The following TPO variants were observed in gnomAD, a reference collection of about 807,000 sequenced individuals.
The protein encoded by TPO is thyroid microsomal antigen.
TPO carries 78 observed loss-of-function variants against 96.9 expected under a neutral mutation model. The ratio of observed to expected loss-of-function variants is 0.81; its 90% confidence interval spans 0.67 to 0.97. TPO has a LOEUF of 0.97. Ranked by LOEUF, TPO falls within the 50% of genes least tolerant of loss-of-function variation. TPO has a pLI of 0.00. For synonymous variants in TPO, 547 were observed against 538.0 expected (o/e 1.02, Z -0.23); for missense variants, 1,252 against 1,274.8 (o/e 0.98, Z 0.27).
At chr2:1,383,820 T>C (rs1371024058) in intron 1 of TPO, among the ~76,000 whole-genome samples, 2 of 152,246 alleles carry the variant, frequency 1.3e-5, no homozygotes, top group African/African-American at 4.8e-5. Context: ...TGAATGGTAT[T>C]GCCTAGGTTT....
chr2:1,445,810 T>C lies in TPO; in HGVS notation c.483-7884T>C, dbSNP rs34046827. On this transcript the variant is annotated intron_variant, in intron 5 of 16. Transcript: ENST00000329066. ...ATGAACCACTCATTGCTGCAGGAGGTACCATGTTGGAAGGGAATGGGGCAG... is the reference window on the plus strand; with the variant it reads ...ATGAACCACTCATTGCTGCAGGAGGCACCATGTTGGAAGGGAATGGGGCAG... Among the ~76,000 whole-genome samples, 106 of 17,862 alleles carry C rather than the reference T, an allele frequency of 5.9e-3. 9 individuals carry two copies. The highest frequency in any genetic ancestry group is 0.014 in the South Asian group (6 of 440). 11.7% of individuals were successfully genotyped at this position (17,862 alleles called of 152,430 possible).
intron 2 of TPO, among the ~76,000 whole-genome samples, chr2:1,422,388 C>CTCTCCTGGACAGACCTA (rs1573110964): frequency 6.6e-6 from 1 of 152,030 alleles, no homozygotes; most frequent in African/African-American, 2.4e-5. Flanking sequence ...GTGCAGGCGC[C>CTCTCCTGGACAGACCTA]GCGCTGGGCC....
At chr2:1,489,650 CTGAATGAATGAATGAA>C (rs59667255) in intron 10 of TPO, among the ~76,000 whole-genome samples, 1 of 150,288 alleles carries the variant, frequency 6.7e-6, no homozygotes, top group Non-Finnish European at 1.5e-5. Context: ...GGAACCCTCA[CTGAATGAATGAATGAA>C]TGAATGAATG....
intron 13 of TPO, among the ~76,000 whole-genome samples, chr2:1,497,434 C>T (rs1361564111): frequency 5.3e-5 from 8 of 152,160 alleles, no homozygotes; most frequent in East Asian, 3.9e-4. Context: ...GGTTCCTCTG[C>T]GGGGAACAGC....
intron 5 of TPO, among the ~76,000 whole-genome samples, chr2:1,452,569 G>A (rs924558552): frequency 1.3e-5 from 2 of 152,180 alleles, no homozygotes; most frequent in Non-Finnish European, 2.9e-5. Flanking sequence ...ACCTGCTCCT[G>A]TGACTATGTC....
chr2:1,459,980 G>C (rs1484568743), intron 7 of TPO, among the ~76,000 whole-genome samples: 1 of 150,862 alleles, frequency 6.6e-6, no homozygotes, highest in African/African-American at 2.4e-5. Flanking sequence ...GTCTTGCCCA[G>C]GCTGGAGTGT....
intron 14 of TPO, among the ~76,000 whole-genome samples, chr2:1,515,648 C>G (rs1387045109): frequency 6.6e-6 from 1 of 152,182 alleles, no homozygotes; most frequent in African/African-American, 2.4e-5. Flanking sequence ...TGGACACGAC[C>G]TGTGTCCGGG....
intron 13 of TPO, among the ~76,000 whole-genome samples, chr2:1,501,389 G>A (rs1243140501): frequency 1.3e-5 from 2 of 152,200 alleles, no homozygotes; most frequent in East Asian, 1.9e-4. Context: ...TCTGTCGGGA[G>A]CGCTGCTCTT....
At chr2:1,507,345 T>G (rs1421189751) in intron 14 of TPO, among the ~76,000 whole-genome samples, 1 of 152,198 alleles carries the variant, frequency 6.6e-6, no homozygotes, top group East Asian at 1.9e-4. Context: ...TCTTTTGGCT[T>G]AGGATTGACT....
At chr2:1,531,052 A>AC (rs1678043866) in intron 15 of TPO, among the ~76,000 whole-genome samples, 2 of 5,910 alleles carry the variant, frequency 3.4e-4, no homozygotes, top group African/African-American at 7.8e-4. Flanking sequence ...CCCCCCAAAT[A>AC]CCCCCACTAT....
At chr2:1,486,478 G>A (rs1264379597) in intron 9 of TPO, among the ~76,000 whole-genome samples, 1 of 151,266 alleles carries the variant, frequency 6.6e-6, no homozygotes, top group Non-Finnish European at 1.5e-5. Flanking sequence ...AGAGGGTGCA[G>A]GTGAGCCGAG....
intron 15 of TPO, among the ~76,000 whole-genome samples, chr2:1,525,317 T>TTCA (rs111479509): frequency 9.7e-6 from 1 of 103,156 alleles, no homozygotes; most frequent in Non-Finnish European, 1.9e-5. Context: ...CCCCACTGTG[T>TTCA]GCCTCCTCAA....
chr2:1,528,630 CCCCCCACTGTGTGCAACCTCACCACAT>C (rs1677195434), intron 15 of TPO, among the ~76,000 whole-genome samples: 10 of 142,538 alleles, frequency 7.0e-5, no homozygotes, highest in East Asian at 2.4e-4. Context: ...TCCCCAAATC[CCCCCCACTGTGTGCAACCTCACCACAT>C]CCACCACTGT....
intron 14 of TPO, among the ~76,000 whole-genome samples, chr2:1,514,756 G>T (rs1022657969): frequency 6.6e-6 from 1 of 152,198 alleles, no homozygotes; most frequent in South Asian, 2.1e-4. Flanking sequence ...TCTTGAAATT[G>T]AAAATGCCAA....
intron 15 of TPO, among the ~76,000 whole-genome samples, chr2:1,517,947 C>G (rs28913018): frequency 2.2e-4 from 34 of 151,910 alleles, no homozygotes; most frequent in African/African-American, 7.2e-4. Context: ...GGCTCCCCCC[C>G]CCAATATGCC....
intron 2 of TPO, among the ~76,000 whole-genome samples, chr2:1,419,152 C>A (rs190403789): frequency 2.0e-4 from 31 of 152,284 alleles, no homozygotes; most frequent in Admixed American, 2.0e-3. Flanking sequence ...CCGTGCCATG[C>A]GCCCCTCAGA....
chr2:1,382,840 T>A (rs942826158), intron 1 of TPO, among the ~76,000 whole-genome samples: 5 of 151,986 alleles, frequency 3.3e-5, no homozygotes, highest in Non-Finnish European at 4.4e-5. Context: ...ACTCGTCATT[T>A]ACATTAGGTA....
At chr2:1,405,390 C>T (rs1354376257) in intron 1 of TPO, among the ~76,000 whole-genome samples, 1 of 151,920 alleles carries the variant, frequency 6.6e-6, no homozygotes, top group Non-Finnish European at 1.5e-5. Flanking sequence ...TCCACCCCCT[C>T]ATCCATCCTT....
At chr2:1,534,580 G>C (rs78348750) in intron 15 of TPO, among the ~76,000 whole-genome samples, 3,185 of 13,738 alleles carry the variant, frequency 0.23, 606 homozygotes, top group Middle Eastern at 0.38. Flanking sequence ...CCCCAAATCC[G>C]CCCACACTGT....
Sources: allele counts gnomAD v4.1 joint callset (sites outside exome capture counted in the v4.1 genomes callset), GRCh38; gene constraint gnomAD v4.1.1; transcripts MANE v1.5; gene names NCBI Gene and HGNC (gene_info 2026-07-23, HGNC 2026-07-21).